CAMK2D: variants seen among roughly 807,000 people sequenced by gnomAD.
CAMK2D encodes calcium/calmodulin-dependent protein kinase type II subunit delta.
CAMK2D carries 37 observed loss-of-function variants against 84.0 expected under a neutral mutation model. The observed-to-expected ratio is 0.44, with a 90% confidence interval of 0.34 to 0.58. The LOEUF (loss-of-function observed/expected upper bound fraction) is 0.58, where lower values mean the gene tolerates loss of function less well. Ranked by LOEUF, CAMK2D falls within the 20% of genes least tolerant of loss-of-function variation. The pLI is 0.02. For synonymous variants in CAMK2D, 202 were observed against 212.5 expected (o/e 0.95, Z 0.43); for missense variants, 448 against 652.5 (o/e 0.69, Z 3.41).
chr4:113,715,926 A>G (rs1593463004), intron 2 of CAMK2D, among the ~76,000 whole-genome samples: 1 of 152,158 alleles, frequency 6.6e-6, no homozygotes, highest in African/African-American at 2.4e-5. Context: ...AGTTTCTCTG[A>G]AAAGCCTAAT....
intron 8 of CAMK2D, among the ~76,000 whole-genome samples, chr4:113,520,163 T>C (rs2098337423): frequency 1.3e-5 from 2 of 152,106 alleles, no homozygotes; most frequent in African/African-American, 4.8e-5. Flanking sequence ...CCAAGCACTT[T>C]GGGAGGCCAA....
At chr4:113,655,634 T>C (rs2099196486) in intron 3 of CAMK2D, among the ~76,000 whole-genome samples, 1 of 152,104 alleles carries the variant, frequency 6.6e-6, no homozygotes, top group Non-Finnish European at 1.5e-5. Flanking sequence ...CACAAGTCTT[T>C]AGGGAATGGG....
At chr4:113,498,762 T>C (rs1452924578) in intron 16 of CAMK2D, among the ~76,000 whole-genome samples, 1 of 152,270 alleles carries the variant, frequency 6.6e-6, no homozygotes, top group South Asian at 2.1e-4. Flanking sequence ...TTATCAAAAA[T>C]AAATTACAAA....
intron 6 of CAMK2D, among the ~76,000 whole-genome samples, chr4:113,545,952 T>C (rs952935429): frequency 3.3e-5 from 5 of 152,202 alleles, no homozygotes; most frequent in African/African-American, 9.6e-5. Context: ...CGTCAGAGAA[T>C]ATATTTTTCT....
At chr4:113,618,958 T>C (rs1305388164) in intron 3 of CAMK2D, among the ~76,000 whole-genome samples, 2 of 152,150 alleles carry the variant, frequency 1.3e-5, no homozygotes, top group Admixed American at 1.3e-4. Flanking sequence ...TAATTATCTA[T>C]TTATCATGAA....
intron 4 of CAMK2D, among the ~76,000 whole-genome samples, chr4:113,593,323 T>C (rs1274439285): frequency 6.6e-6 from 1 of 152,226 alleles, no homozygotes; most frequent in Non-Finnish European, 1.5e-5. Flanking sequence ...CAGTGCAAAC[T>C]GCTGCCCCTA....
At chr4:113,487,599 T>C (rs1364181987) in intron 16 of CAMK2D, among the ~76,000 whole-genome samples, 1 of 152,042 alleles carries the variant, frequency 6.6e-6, no homozygotes, top group South Asian at 2.1e-4. Flanking sequence ...TTTAGAAACA[T>C]AAAATTTGAC....
intron 2 of CAMK2D, among the ~76,000 whole-genome samples, chr4:113,752,263 TA>T (rs2099619089): frequency 6.6e-6 from 1 of 151,564 alleles, no homozygotes; most frequent in Non-Finnish European, 1.5e-5. Flanking sequence ...TTTTATGCAA[TA>T]AAACTTTTAA....
intron 3 of CAMK2D, among the ~76,000 whole-genome samples, chr4:113,657,743 C>G (rs567728403): frequency 1.3e-5 from 2 of 152,108 alleles, no homozygotes; most frequent in Non-Finnish European, 2.9e-5. Flanking sequence ...CTTTTGCTTG[C>G]TGCAAGTTTT....
In CAMK2D at chr4:113,758,748, T is replaced by C. The variant is rs531103096; in HGVS notation, c.160+572A>G. Among the ~76,000 whole-genome samples, 72 of 152,244 alleles carry C rather than the reference T, an allele frequency of 4.7e-4. 1 individual carries two copies. The highest frequency in any genetic ancestry group is 1.7e-3 in the African/African-American group (71 of 41,548). On this transcript the variant is annotated intron_variant, in intron 2 of 20. Coordinates refer to ENST00000511664, the MANE Select transcript of CAMK2D (RefSeq NM_001321571.2). ...ACATGTGTAAAATACATTACATGAG[T>C]CTGTGTGAAGCCTTAATGCGAAGAC...
chr4:113,500,556 C>T (rs17446453), intron 15 of CAMK2D, 45 bp from the exon 16 acceptor site: 309,462 of 1,329,132 alleles, frequency 0.23, 39,247 homozygotes, highest in Non-Finnish European at 0.27. Flanking sequence ...CAATGAATAG[C>T]TTGATTTCCT....
chr4:113,709,779 A>ATATT (rs1561971322), intron 2 of CAMK2D, among the ~76,000 whole-genome samples: 1 of 125,814 alleles, frequency 7.9e-6, no homozygotes, highest in East Asian at 2.2e-4. Flanking sequence ...ATATATATAT[A>ATATT]TATGAGAGAC....
At chr4:113,574,805 T>C (rs950136796) in intron 4 of CAMK2D, among the ~76,000 whole-genome samples, 1 of 152,202 alleles carries the variant, frequency 6.6e-6, no homozygotes, top group Non-Finnish European at 1.5e-5. Context: ...CTCTGTTAAA[T>C]GTTACATATG....
intron 12 of CAMK2D, among the ~76,000 whole-genome samples, chr4:113,511,317 CT>C (rs1264577263): frequency 6.6e-6 from 1 of 151,992 alleles, no homozygotes; most frequent in Non-Finnish European, 1.5e-5. Flanking sequence ...AAAAAAATTG[CT>C]TTTTCATGCT....
At chr4:113,700,152 A>T (rs1224065589) in intron 2 of CAMK2D, among the ~76,000 whole-genome samples, 1 of 152,180 alleles carries the variant, frequency 6.6e-6, no homozygotes, top group Non-Finnish European at 1.5e-5. Flanking sequence ...TTCAAAAAGG[A>T]ACCAAAGAAA....
At chr4:113,610,319 T>A (rs2098994766) in intron 3 of CAMK2D, among the ~76,000 whole-genome samples, 2 of 152,318 alleles carry the variant, frequency 1.3e-5, no homozygotes, top group African/African-American at 4.8e-5. Context: ...CAACAAAGTT[T>A]TAGGACACAA....
intron 3 of CAMK2D, among the ~76,000 whole-genome samples, chr4:113,656,539 T>C (rs568843377): frequency 9.9e-5 from 15 of 152,244 alleles, no homozygotes; most frequent in African/African-American, 3.6e-4. Context: ...CACTTTTGCT[T>C]AAAATCCCAC....
chr4:113,545,285 C>A (rs114148750), intron 6 of CAMK2D, among the ~76,000 whole-genome samples: 2,999 of 152,196 alleles, frequency 0.02, 54 homozygotes, highest in Middle Eastern at 0.092. Context: ...GCACTTATAT[C>A]CTTATAGGTG....
At chr4:113,479,544 ATACTT>A (rs1478278394) in intron 16 of CAMK2D, among the ~76,000 whole-genome samples, 1 of 152,224 alleles carries the variant, frequency 6.6e-6, no homozygotes, top group Non-Finnish European at 1.5e-5. Flanking sequence ...GTGAACTAAA[ATACTT>A]TAATTGTTTA....
Sources: gnomAD v4.1 joint callset for allele counts (sites outside exome capture counted in the v4.1 genomes callset) on GRCh38, gnomAD v4.1.1 for gene constraint, MANE v1.5 for transcripts, NCBI Gene and HGNC (gene_info 2026-07-23, HGNC 2026-07-21) for gene names.